The following LMO7 variants were observed in gnomAD, a reference collection of about 807,000 sequenced individuals.
The protein encoded by LMO7 is LIM domain only protein 7.
LMO7 carries 120 observed loss-of-function variants against 206.5 expected under a neutral mutation model. That is an observed-to-expected ratio of 0.58 (90% CI 0.50 to 0.68). The LOEUF is 0.68. Among genes scored for constraint, LMO7 ranks in the 30% least tolerant of loss-of-function variants. The pLI is 0.00. For synonymous variants in LMO7, 706 were observed against 681.5 expected (o/e 1.04, Z -0.56); for missense variants, 1,959 against 1,957.9 (o/e 1.00, Z -0.01).
intron 1 of LMO7, among the ~76,000 whole-genome samples, chr13:75,694,481 G>C (rs182938873): frequency 4.4e-4 from 67 of 152,266 alleles, no homozygotes; most frequent in Non-Finnish European, 7.4e-4. Flanking sequence ...TTTTAAGGAA[G>C]AATACAGGCA....
chr13:75,737,568 A>C (rs1324133146), intron 3 of LMO7, among the ~76,000 whole-genome samples: 1 of 148,634 alleles, frequency 6.7e-6, no homozygotes, highest in Non-Finnish European at 1.5e-5. Context: ...CCTGGCTAAC[A>C]CGGTGAAACC....
At chr13:75,760,184 A>C (rs2048039150) in intron 3 of LMO7, 1 of 165,288 alleles carries the variant, frequency 6.1e-6, no homozygotes, top group Non-Finnish European at 1.2e-5. Context: ...AGCAGTTTAC[A>C]TTAACGAAGA....
Position 75,853,007 on chromosome 13 carries a change from GA to G in LMO7, c.4365-84del, listed in dbSNP as rs1451958609. ...TATCCACATATAAAATATAAAAATG[GA>G]TTTTTAATGAATGGAATGATGAATT... On this transcript the variant is annotated intron_variant, in intron 27 of 30. Coordinates refer to ENST00000377534, the MANE Select transcript of LMO7 (RefSeq NM_001306080.2). 5.3e-6 allele frequency: 6 copies of G among 1,139,948 alleles called. No homozygotes were observed. The African/African-American group carries it at 7.8e-5, about 15-fold the overall frequency. 70.6% of individuals were successfully genotyped at this position (1,139,948 alleles called of 1,614,324 possible).
In LMO7 at chr13:75,776,126, C is replaced by CATAT. The variant is rs71127581; in HGVS notation, c.317+15103_317+15106dup. Among the ~76,000 whole-genome samples the CATAT allele has an allele frequency of 9.2e-3, 679 of 73,806 alleles. 11 individuals carry two copies. The highest frequency in any genetic ancestry group is 0.021 in the African/African-American group (486 of 22,940). 48.4% of individuals were successfully genotyped at this position (73,806 alleles called of 152,430 possible). A position where few individuals can be genotyped will look rare whatever the true frequency, so the allele number is the denominator to read the frequency against. On this transcript the variant is annotated intron_variant, in intron 4 of 30. Coordinates refer to ENST00000377534, the MANE Select transcript of LMO7 (RefSeq NM_001306080.2). ...ATATATATATATACATACATACATA[C>CATAT]ATATATATATATATATATGCCATGT...
intron 3 of LMO7, among the ~76,000 whole-genome samples, chr13:75,753,603 C>T (rs1469707074): frequency 6.6e-6 from 1 of 152,008 alleles, no homozygotes. Context: ...GGGGTTGTTT[C>T]CCCCATGCTA....
chr13:75,806,474 A>G (rs2055486798), intron 9 of LMO7: 1 of 152,786 alleles, frequency 6.5e-6, no homozygotes, highest in African/African-American at 2.4e-5. Flanking sequence ...ATTCTTCTTT[A>G]GCACAATAAT....
At chr13:75,751,979 C>G (rs1296444542) in intron 3 of LMO7, among the ~76,000 whole-genome samples, 4 of 151,970 alleles carry the variant, frequency 2.6e-5, no homozygotes, top group Admixed American at 2.0e-4. Flanking sequence ...GGGTAAGAGC[C>G]TAGGGTGTTG....
At position 75,842,834 on chromosome 13, in the gene LMO7, C is replaced by A. The variant is rs199654352; in HGVS notation, c.4032-17C>A. Reference sequence around the variant, plus strand: ...AAGTCTAATATTTTGACAACAAAATCTTTTTCTATCTTTTAGGCCTGTTGA... The same window carrying A: ...AAGTCTAATATTTTGACAACAAAATATTTTTCTATCTTTTAGGCCTGTTGA... On this transcript the variant is annotated splice_polypyrimidine_tract_variant and intron_variant, in intron 24 of 30. Transcript: ENST00000377534. 7 of 1,544,302 alleles carry A rather than the reference C, an allele frequency of 4.5e-6. No homozygotes were observed. The highest frequency in any genetic ancestry group is 4.5e-5 in the East Asian group (2 of 44,448).
chr13:75,651,209 A>G (rs1204636518), intron 1 of LMO7, among the ~76,000 whole-genome samples: 1 of 152,226 alleles, frequency 6.6e-6, no homozygotes, highest in East Asian at 1.9e-4. Context: ...TAAGGAAATT[A>G]ATGTACTTGG....
chr13:75,648,184 G>T (rs2037227863), intron 1 of LMO7, among the ~76,000 whole-genome samples: 1 of 152,092 alleles, frequency 6.6e-6, no homozygotes, highest in South Asian at 2.1e-4. Flanking sequence ...CTGGCCTTCA[G>T]CGATCCTCCC....
chr13:75,632,821 T>C (rs2035117485), upstream of LMO7, among the ~76,000 whole-genome samples: 1 of 151,410 alleles, frequency 6.6e-6, no homozygotes. Context: ...GTGTCACTTA[T>C]AACATCTAGC....
exon 1 of LMO7, chr13:75,621,805 T>A: frequency 6.2e-7 from 1 of 1,612,900 alleles, no homozygotes; most frequent in Non-Finnish European, 8.5e-7. Context: ...GCAACTGATA[T>A]GTGCTCATGT....
At chr13:75,662,520 T>C (rs1008783615) in intron 1 of LMO7, among the ~76,000 whole-genome samples, 3 of 152,214 alleles carry the variant, frequency 2.0e-5, no homozygotes, top group Non-Finnish European at 4.4e-5. Flanking sequence ...GGTCTCACTC[T>C]GTTTCCTAGG....
At chr13:75,798,215 A>G (rs956038048) in intron 6 of LMO7, among the ~76,000 whole-genome samples, 14 of 152,154 alleles carry the variant, frequency 9.2e-5, no homozygotes, top group Non-Finnish European at 1.8e-4. Context: ...TACTAAAAAT[A>G]CAAAATTAGC....
At chr13:75,839,920 C>G (rs750062826) in intron 20 of LMO7, 165 bp from the exon 21 acceptor site, 179 of 600,014 alleles carry the variant, frequency 3.0e-4, no homozygotes, top group Non-Finnish European at 2.0e-4. Context: ...GGAACTGTTA[C>G]ACCTGGAGAA....
rs370187434 is a variant in LMO7 at position 75,817,207 on chromosome 13, C to A, written c.1993C>A (p.Arg665Ser). 2 of 1,613,604 alleles carry A rather than the reference C, an allele frequency of 1.2e-6. No individual in the cohort carries two copies. The highest frequency in any genetic ancestry group is 2.2e-5 in the East Asian group (1 of 44,834). Residue 665 changes from arginine to serine, a missense_variant, in exon 12 of 31, where the codon CGT (arginine) becomes AGT (serine). By Grantham distance (110) the Arg-to-Ser change is moderately radical (BLOSUM62 -1). Coordinates refer to ENST00000377534, the MANE Select transcript of LMO7 (RefSeq NM_001306080.2). ...DVSAEDVQNL[R>S]QLRYEEMQKI... ...CAGCGCAGAAGATGTTCAAAACTTG[C>A]GTCAGCTGCGTTACGAGGAGATGCA...
rs1426539964 is a variant in LMO7 at position 75,795,435 on chromosome 13, A to G, written c.348+4A>G. On this transcript the variant is annotated splice_donor_region_variant and intron_variant, in intron 5 of 30. Coordinates refer to ENST00000377534, the MANE Select transcript of LMO7 (RefSeq NM_001306080.2). ...GACTGACAGGAGAGTGAAAAATGTA[A>G]GATACATTTACCTTAATGGAGCATT... 1.9e-6 allele frequency: 3 copies of G among 1,581,184 alleles called. No individual in the cohort carries two copies. Among genetic ancestry groups the G allele is most frequent in the African/African-American group, 2.7e-5 (2 of 74,012 alleles).
intron 4 of LMO7, among the ~76,000 whole-genome samples, chr13:75,787,549 T>TG (rs2052631039): frequency 1.3e-5 from 2 of 152,268 alleles, no homozygotes; most frequent in Admixed American, 1.3e-4. Context: ...ATAAGCATTA[T>TG]GTTGCTAGGG....
intron 2 of LMO7, among the ~76,000 whole-genome samples, chr13:75,629,104 A>G (rs915104959): frequency 6.6e-6 from 1 of 152,202 alleles, no homozygotes; most frequent in Non-Finnish European, 1.5e-5. Context: ...TAAACATCCT[A>G]TGATGCACAG....
Sources: gnomAD v4.1 joint callset for allele counts (sites outside exome capture counted in the v4.1 genomes callset) on GRCh38, gnomAD v4.1.1 for gene constraint, MANE v1.5 for transcripts, NCBI Gene and HGNC (gene_info 2026-07-23, HGNC 2026-07-21) for gene names.